The following PCDH11X variants were observed in gnomAD, a reference collection of about 807,000 sequenced individuals.
PCDH11X encodes protocadherin-11 X-linked.
In PCDH11X, 18 loss-of-function variants were observed where a neutral mutation model predicts 53.3. That is an observed-to-expected ratio of 0.34 (90% CI 0.23 to 0.50). The LOEUF is 0.50. Among genes scored for constraint, PCDH11X ranks in the 20% least tolerant of loss-of-function variants. The pLI is 0.98. For synonymous variants in PCDH11X, 279 were observed against 393.3 expected, an observed-to-expected ratio of 0.71 and a Z score of 3.44; for missense variants, 570 against 1,032.4, an observed-to-expected ratio of 0.55 and a Z score of 6.14.
At chrX:92,133,287 C>G (rs1278157437) in intron 6 of PCDH11X, among the ~76,000 whole-genome samples, 1 of 111,943 alleles carries the variant, frequency 8.9e-6, no homozygotes, top group Non-Finnish European at 1.9e-5. Flanking sequence ...GATAAAAATT[C>G]AGGTACTTTT....
chrX:92,293,316 G>A (rs1198266433), intron 8 of PCDH11X, among the ~76,000 whole-genome samples: 1 of 110,393 alleles, frequency 9.1e-6, no homozygotes, highest in Non-Finnish European at 1.9e-5. Flanking sequence ...TGGTAATAGA[G>A]TTCTATAACA....
Position 92,589,551 on chromosome X carries a change from G to A in PCDH11X, c.3368-28713G>A, listed in dbSNP as rs984044743. 7.2e-5 allele frequency among the ~76,000 whole-genome samples: 8 copies of A among 111,286 alleles called. No homozygotes were observed. In the East Asian group the frequency reaches 8.4e-4, roughly 12 times the overall value. Reference sequence around the variant, plus strand: ...AAAAATGAGGTATAAGATAGTATTCGCAAGCCTCATGGTAATCTCAAACCG... The same window carrying A: ...AAAAATGAGGTATAAGATAGTATTCACAAGCCTCATGGTAATCTCAAACCG... On this transcript the variant is annotated intron_variant, in intron 10 of 10. Transcript: ENST00000682573.
Position 91,866,375 on chromosome X carries a change from C to G in PCDH11X, c.541-10406C>G, listed in dbSNP as rs369484379. Among the ~76,000 whole-genome samples, 756 of 110,779 alleles carry G rather than the reference C, an allele frequency of 6.8e-3. 8 individuals carry two copies. The highest frequency in any genetic ancestry group is 0.02 in the African/African-American group (619 of 30,428). ...CTTAGAGACCTAGAGCACTTTGGCC[C>G]TTGGTGGCAAGGTTTGTGAGAATTC... is the stretch of plus-strand genomic sequence containing the variant. On this transcript the variant is annotated intron_variant, in intron 5 of 10. Coordinates refer to ENST00000682573, the MANE Select transcript of PCDH11X (RefSeq NM_032968.5).
At chrX:91,824,747 C>A (rs1283440641) in intron 4 of PCDH11X, among the ~76,000 whole-genome samples, 1 of 108,686 alleles carries the variant, frequency 9.2e-6, no homozygotes, top group African/African-American at 3.5e-5. Context: ...GGAGGAGAGG[C>A]GCTCTGCTTT....
At chrX:92,056,151 C>T (rs762007905) in intron 6 of PCDH11X, among the ~76,000 whole-genome samples, 2 of 111,707 alleles carry the variant, frequency 1.8e-5, no homozygotes, top group African/African-American at 3.3e-5. Flanking sequence ...TACACTCCCA[C>T]CAACAGTATA....
chrX:91,795,042 G>A (rs887819367), intron 1 of PCDH11X, among the ~76,000 whole-genome samples: 7 of 108,883 alleles, frequency 6.4e-5, no homozygotes, highest in African/African-American at 2.3e-4. Context: ...CCCCAGCTAC[G>A]TGGAACTGTG....
chrX:92,246,859 A>AT (rs1371630481), intron 7 of PCDH11X, among the ~76,000 whole-genome samples: 1 of 112,111 alleles, frequency 8.9e-6, no homozygotes, highest in African/African-American at 3.2e-5. Context: ...TAGTTGACGT[A>AT]TAAGAAGAAA....
At chrX:92,348,289 A>G in intron 8 of PCDH11X, among the ~76,000 whole-genome samples, 1 of 110,923 alleles carries the variant, frequency 9.0e-6, no homozygotes, top group African/African-American at 3.3e-5. Context: ...CAAAAACAAA[A>G]GATACAAATA....
Position 91,877,259 on chromosome X carries a change from T to C in PCDH11X, c.1019T>C (p.Met340Thr). 9.2e-7 allele frequency: 1 copy of C among 1,085,036 alleles called. No homozygotes were observed. The highest frequency in any genetic ancestry group is 1.9e-5 in the South Asian group (1 of 51,533). The allele number at this position is 1,085,036 out of a possible 1,213,427, so 89.4% of individuals were successfully genotyped here. A position where few individuals can be genotyped will look rare whatever the true frequency, so the allele number is the denominator to read the frequency against. The part of the protein sequence containing the change: ...SDGGLMPARA[M>T]VLVNVTDVND... ...GGTGGATTGATGCCAGCAAGAGCAA[T>C]GGTGCTGGTAAATGTTACAGATGTC... is the stretch of plus-strand genomic sequence containing the variant. The change falls in exon 6 of 11, where the codon ATG becomes ACG. Residue 340 changes from methionine (M) to threonine (T), a missense_variant. Around this residue, in one of 6 missense-constraint regions of PCDH11X, gnomAD observed 8 missense variants for 75.1 expected, o/e 0.11. Transcript: ENST00000682573.
rs143020505 is a variant in PCDH11X, at chrX:92,308,371, G to T, written c.3144+45228G>T. On this transcript the variant is annotated intron_variant, in intron 8 of 10. Transcript: ENST00000682573. ...TCATGTATATGGTTAAATGATTTTCGCCAAGAGTACCAAGACTTTTGAATA... is the reference window on the plus strand; with the variant it reads ...TCATGTATATGGTTAAATGATTTTCTCCAAGAGTACCAAGACTTTTGAATA... 3.5e-4 allele frequency among the ~76,000 whole-genome samples: 39 copies of T among 111,190 alleles called. No homozygotes were observed. The East Asian group carries it at 0.011, about 31-fold the overall frequency.
intron 6 of PCDH11X, among the ~76,000 whole-genome samples, chrX:92,099,485 T>A (rs1290894961): frequency 9.1e-6 from 1 of 110,474 alleles, no homozygotes; most frequent in African/African-American, 3.3e-5. Flanking sequence ...ATCATTTTAA[T>A]CTTTTGAATT....
intron 6 of PCDH11X, among the ~76,000 whole-genome samples, chrX:92,131,962 C>A (rs1353019248): frequency 1.8e-5 from 2 of 108,567 alleles, no homozygotes; most frequent in African/African-American, 6.7e-5. Flanking sequence ...AGGGCACTGG[C>A]TTTTTTAGCT....
chrX:91,927,968 T>C (rs1201123211), intron 6 of PCDH11X, among the ~76,000 whole-genome samples: 1 of 111,440 alleles, frequency 9.0e-6, no homozygotes, highest in Non-Finnish European at 1.9e-5. Flanking sequence ...CAGCCCAGTG[T>C]TTAAAGGTAG....
chrX:91,909,183 AGTG>A (rs1941291848), intron 6 of PCDH11X, among the ~76,000 whole-genome samples: 1 of 111,408 alleles, frequency 9.0e-6, no homozygotes, highest in Non-Finnish European at 1.9e-5. Context: ...TATCCATTAA[AGTG>A]GAGTCAAAAT....
At chrX:92,393,082 A>G (rs2071167712) in intron 9 of PCDH11X, among the ~76,000 whole-genome samples, 1 of 110,597 alleles carries the variant, frequency 9.0e-6, no homozygotes, top group Non-Finnish European at 1.9e-5. Context: ...TTTAAAATGC[A>G]TTTTTGACGA....
chrX:92,215,738 G>T (rs1315853266), intron 7 of PCDH11X, among the ~76,000 whole-genome samples: 2 of 104,701 alleles, frequency 1.9e-5, no homozygotes, highest in Non-Finnish European at 3.9e-5. Flanking sequence ...CTGAGAATGG[G>T]CAGACTGCCT....
chrX:92,438,184 T>A (rs1419106579), intron 9 of PCDH11X, among the ~76,000 whole-genome samples: 1 of 111,874 alleles, frequency 8.9e-6, no homozygotes, highest in Non-Finnish European at 1.9e-5. Flanking sequence ...TCTACTCTAA[T>A]GACAAAAGTA....
At chrX:91,789,104 A>C (rs1935434899) in intron 1 of PCDH11X, among the ~76,000 whole-genome samples, 1 of 101,713 alleles carries the variant, frequency 9.8e-6, no homozygotes, top group African/African-American at 3.6e-5. Flanking sequence ...CGGGAGGCTG[A>C]GGCAGGAGAA....
chrX:91,980,627 G>T (rs895080132), intron 6 of PCDH11X, among the ~76,000 whole-genome samples: 11 of 106,692 alleles, frequency 1.0e-4, no homozygotes, highest in African/African-American at 3.1e-4. Context: ...TAGGGACAAG[G>T]TCTCACTACA....
Sources: gnomAD v4.1 joint callset for allele counts (sites outside exome capture counted in the v4.1 genomes callset) on GRCh38, gnomAD v4.1.1 for gene constraint, gnomAD v4.1.1 regional missense constraint, MANE v1.5 for transcripts, NCBI Gene and HGNC (gene_info 2026-07-23, HGNC 2026-07-21) for gene names.